TTC39C: variants seen among roughly 807,000 people sequenced by gnomAD.
The protein encoded by TTC39C is tetratricopeptide repeat protein 39C.
In TTC39C, 33 loss-of-function variants were observed where a neutral mutation model predicts 76.3. The ratio of observed to expected loss-of-function variants is 0.43; its 90% CI spans 0.33 to 0.58. The LOEUF (loss-of-function observed/expected upper bound fraction) is 0.58, where lower values mean the gene tolerates loss of function less well. Among genes scored for constraint, TTC39C ranks in the 20% least tolerant of loss-of-function variants. TTC39C has a pLI of 0.04. For synonymous variants in TTC39C, 254 were observed against 260.6 expected, an observed-to-expected ratio of 0.97 and a Z score of 0.24; for missense variants, 595 against 701.4, an observed-to-expected ratio of 0.85 and a Z score of 1.71.
Position 24,128,773 on chromosome 18 carries a change from T to TCGAA in TTC39C, c.1421-112_1421-111insGAAC, listed in dbSNP as rs1404331661. ...TCTTTTATTAAGAGCAGTTTTAGGT[T>TCGAA]CATATCAGGAGGCAGAAACATGAAC... On this transcript the variant is annotated intron_variant, in intron 10 of 13. Transcript: ENST00000317571. The TCGAA allele has an allele frequency of 3.8e-6, 3 of 794,848 alleles. No homozygotes were observed. The Admixed American group carries it at 8.6e-5, about 23-fold the overall frequency. The allele number at this position is 794,848 out of a possible 1,614,324, so 49.2% of individuals were successfully genotyped here. A position where few individuals can be genotyped will look rare whatever the true frequency, so the allele number is the denominator to read the frequency against.
chr18:24,095,757 C>T (rs2084580745), intron 6 of TTC39C, among the ~76,000 whole-genome samples: 1 of 152,198 alleles, frequency 6.6e-6, no homozygotes. Flanking sequence ...GGCTAACTGG[C>T]ATAAGGCACC....
At chr18:24,051,830 A>C (rs898516675) in intron 1 of TTC39C, among the ~76,000 whole-genome samples, 5 of 152,214 alleles carry the variant, frequency 3.3e-5, no homozygotes, top group African/African-American at 1.2e-4. Flanking sequence ...ACAGTTCGTC[A>C]GATGAAATGG....
intron 1 of TTC39C, among the ~76,000 whole-genome samples, chr18:24,042,788 G>A (rs531502085): frequency 5.9e-5 from 9 of 152,252 alleles, no homozygotes; most frequent in Non-Finnish European, 2.9e-5. Flanking sequence ...AAGAAGAAAT[G>A]AATATACCCT....
intron 6 of TTC39C, chr18:24,113,448 G>C (rs1025981340): frequency 1.6e-6 from 1 of 619,092 alleles, no homozygotes; most frequent in African/African-American, 1.8e-5. Context: ...CACCTGGCTG[G>C]CTGTGGGGAT....
chr18:24,024,123 C>T (rs1217660032), intron 1 of TTC39C, among the ~76,000 whole-genome samples: 1 of 146,052 alleles, frequency 6.8e-6, no homozygotes, highest in East Asian at 2.0e-4. Flanking sequence ...AGCAATTCTC[C>T]TGCCTCAGCC....
chr18:24,122,301 G>A (rs771975343), intron 8 of TTC39C, among the ~76,000 whole-genome samples: 1 of 151,614 alleles, frequency 6.6e-6, no homozygotes. Context: ...GGCATATCAC[G>A]AGTACAAGAG....
At chr18:24,028,629 A>C (rs187176516) in intron 1 of TTC39C, among the ~76,000 whole-genome samples, 88 of 152,390 alleles carry the variant, frequency 5.8e-4, no homozygotes, top group African/African-American at 2.1e-3. Context: ...GAACTGGTTC[A>C]CACAAAATGT....
At chr18:24,081,042 G>A in intron 5 of TTC39C, 103 bp downstream of exon 5, 1 of 1,036,394 alleles carries the variant, frequency 9.6e-7, no homozygotes, top group Non-Finnish European at 1.4e-6. Context: ...ATGTTTGGTT[G>A]GTTGACAGGG....
At chr18:24,061,874 A>G (rs993117074) in intron 1 of TTC39C, among the ~76,000 whole-genome samples, 43 of 152,366 alleles carry the variant, frequency 2.8e-4, no homozygotes, top group African/African-American at 9.4e-4. Context: ...ATTGCACTCC[A>G]GCCTGGGTGA....
chr18:24,074,133 C>T (rs2084274846), intron 4 of TTC39C, among the ~76,000 whole-genome samples: 1 of 152,178 alleles, frequency 6.6e-6, no homozygotes, highest in Admixed American at 6.5e-5. Context: ...TCTAATTCAG[C>T]AGGATACTTC....
chr18:24,015,097 G>T lies in TTC39C; in HGVS notation c.167+59G>T, dbSNP rs1181769703. The stretch of plus-strand genomic sequence containing the variant: ...AGCGCGCACCTCGTGTCCGGCTCAC[G>T]CGCCTCGACCTGCGGCCCCCGGGAG... On this transcript the variant is annotated intron_variant, in intron 1 of 13. Transcript: ENST00000317571. 7.4e-6 allele frequency: 10 copies of T among 1,354,248 alleles called. No individual in the cohort carries two copies. The Admixed American group carries it at 3.6e-4, about 49-fold the overall frequency. 83.9% of individuals were successfully genotyped at this position (1,354,248 alleles called of 1,614,324 possible). A position where few individuals can be genotyped will look rare whatever the true frequency, so the allele number is the denominator to read the frequency against.
At chr18:24,038,976 T>C (rs181927742) in intron 1 of TTC39C, among the ~76,000 whole-genome samples, 25 of 152,272 alleles carry the variant, frequency 1.6e-4, no homozygotes, top group African/African-American at 5.8e-4. Flanking sequence ...TGTCCAGATA[T>C]AGTCAAATTA....
At chr18:24,044,566 G>A (rs1423215472) in intron 1 of TTC39C, among the ~76,000 whole-genome samples, 1 of 152,138 alleles carries the variant, frequency 6.6e-6, no homozygotes, top group Non-Finnish European at 1.5e-5. Context: ...GGTGGAGGTT[G>A]GTGTGACAGG....
intron 1 of TTC39C, 99 bp downstream of exon 1, chr18:24,015,137 TGTCGGTCACCGATTCCG>T (rs2145640777): frequency 8.6e-7 from 1 of 1,161,068 alleles, no homozygotes; most frequent in Non-Finnish European, 1.1e-6. Context: ...CTCCCCCTCC[TGTCGGTCACCGATTCCG>T]GTCCTCAGGT....
At chr18:24,052,764 C>G (rs1486585484) in intron 1 of TTC39C, among the ~76,000 whole-genome samples, 3 of 152,092 alleles carry the variant, frequency 2.0e-5, no homozygotes, top group Admixed American at 1.3e-4. Flanking sequence ...GTGTCAGCTA[C>G]GTACTATGGG....
chr18:24,048,603 A>C (rs2083913364), intron 1 of TTC39C, among the ~76,000 whole-genome samples: 3 of 152,180 alleles, frequency 2.0e-5, no homozygotes. Flanking sequence ...AAAACATGTA[A>C]CTTTTTTTTT....
intron 6 of TTC39C, among the ~76,000 whole-genome samples, chr18:24,100,902 A>G (rs957267382): frequency 1.3e-5 from 2 of 152,190 alleles, no homozygotes; most frequent in Non-Finnish European, 2.9e-5. Context: ...TACATGTCCC[A>G]TGAAAAGAGG....
intron 4 of TTC39C, among the ~76,000 whole-genome samples, chr18:24,077,755 C>T (rs1340335965): frequency 6.6e-6 from 1 of 152,216 alleles, no homozygotes; most frequent in East Asian, 1.9e-4. Flanking sequence ...TCTGTGCTCT[C>T]AAGAATATAT....
chr18:23,993,951 A>G (rs2083239741), intron 1 of TTC39C, among the ~76,000 whole-genome samples: 1 of 152,216 alleles, frequency 6.6e-6, no homozygotes, highest in South Asian at 2.1e-4. Flanking sequence ...TCATCCAGAA[A>G]GCTTCATATT....
Sources: gnomAD v4.1 joint callset for allele counts (sites outside exome capture counted in the v4.1 genomes callset) on GRCh38, gnomAD v4.1.1 for gene constraint, MANE v1.5 for transcripts, NCBI Gene and HGNC (gene_info 2026-07-23, HGNC 2026-07-21) for gene names.